The following GAS2L3 variants were observed in gnomAD, a reference collection of about 807,000 sequenced individuals.
GAS2L3 encodes growth arrest specific 2 like 3, also known as GAS2-like protein 3.
In GAS2L3, 28 loss-of-function variants were observed where a neutral mutation model predicts 37.0. The observed-to-expected ratio is 0.76, with a 90% CI of 0.56 to 1.04. The LOEUF (loss-of-function observed/expected upper bound fraction) is 1.04. Ranked by LOEUF, GAS2L3 falls within the 50% of genes least tolerant of loss-of-function variation. GAS2L3 has a pLI of 0.00. For synonymous variants in GAS2L3, 290 were observed against 296.6 expected, an observed-to-expected ratio of 0.98 and a Z score of 0.23; for missense variants, 793 against 817.6, an observed-to-expected ratio of 0.97 and a Z score of 0.37.
At chr12:100,621,774 G>A (rs565646998) in intron 8 of GAS2L3, among the ~76,000 whole-genome samples, 1 of 149,198 alleles carries the variant, frequency 6.7e-6, no homozygotes, top group East Asian at 2.0e-4. Context: ...ATAAATTCAA[G>A]CTTAATAACG....
rs575255812 is a variant in GAS2L3, at chr12:100,586,638, A to G, written c.-151-5098A>G. On this transcript the variant is annotated intron_variant, in intron 1 of 9. Coordinates refer to ENST00000547754, the MANE Select transcript of GAS2L3 (RefSeq NM_174942.3). Reference sequence around the variant, plus strand: ...TGTATATCAAAAAGACTGAAAGAGCACAAACTAATACTCTTAAGGTCACAC... The same window carrying G: ...TGTATATCAAAAAGACTGAAAGAGCGCAAACTAATACTCTTAAGGTCACAC... Among the ~76,000 whole-genome samples the G allele has an allele frequency of 2.0e-5, 3 of 152,330 alleles. No homozygotes were observed. The East Asian group carries it at 5.8e-4, about 29-fold the overall frequency.
Position 100,625,887 on chromosome 12 carries a change from TTTAA to T in GAS2L3, c.*1004_*1007del, listed in dbSNP as rs1956327302. 6.6e-6 allele frequency: 1 copy of T among 152,170 alleles called. No individual in the cohort carries two copies. Among genetic ancestry groups the T allele is most frequent in the Non-Finnish European group, 1.5e-5 (1 of 68,022 alleles). 9.4% of individuals were successfully genotyped at this position (152,170 alleles called of 1,614,324 possible). A position where few individuals can be genotyped will look rare whatever the true frequency, so the allele number is the denominator to read the frequency against. The stretch of plus-strand genomic sequence containing the variant: ...TTTCTCTAGATAGCACAATACCAAT[TTTAA>T]TTAATTTCTTCCAATTAGGTTACTT... On this transcript the variant is annotated 3_prime_UTR_variant, in exon 10 of 10. Transcript: ENST00000547754.
In GAS2L3 at chr12:100,623,710, A is replaced by G. The variant is rs550402512; in HGVS notation, c.905A>G (p.Glu302Gly). The change falls in exon 10 of 10, where the codon GAA (glutamate) becomes GGA (glycine). Residue 302 changes from glutamate (E) to glycine (G), a missense_variant. Coordinates refer to ENST00000547754, the MANE Select transcript of GAS2L3 (RefSeq NM_174942.3). ...GCATTTCAAAAAGGAGTTTCTAATG[A>G]AAGTGTACCTGATTCGCCTGCCAGA... ...ILAFQKGVSN[E>G]SVPDSPARTP... 6 of 1,614,062 alleles carry G rather than the reference A, an allele frequency of 3.7e-6. No homozygotes were observed. Among genetic ancestry groups the G allele is most frequent in the East Asian group, 2.2e-5 (1 of 44,878 alleles).
intron 6 of GAS2L3, among the ~76,000 whole-genome samples, chr12:100,616,434 T>C (rs1956188340): frequency 1.3e-5 from 2 of 152,132 alleles, no homozygotes; most frequent in Admixed American, 1.3e-4. Context: ...TTGTTTTTGT[T>C]TTTGTTGCTT....
Position 100,579,181 on chromosome 12 carries a change from G to A in GAS2L3, c.-152+5396G>A, listed in dbSNP as rs1177816276. 13 of 655,074 alleles carry A rather than the reference G, an allele frequency of 2.0e-5. No homozygotes were observed. The Admixed American group carries it at 2.9e-4, about 14-fold the overall frequency. 40.6% of individuals were successfully genotyped at this position (655,074 alleles called of 1,614,324 possible). On this transcript the variant is annotated intron_variant, in intron 1 of 9. Transcript: ENST00000547754. Reference sequence around the variant, plus strand: ...TTCTCTTCCATGCCAAGACAATGGGGCTTCAAACAGTCTTAACAGACCATC... The same window carrying A: ...TTCTCTTCCATGCCAAGACAATGGGACTTCAAACAGTCTTAACAGACCATC...
chr12:100,588,359 A>G (rs1442279384), intron 1 of GAS2L3, among the ~76,000 whole-genome samples: 1 of 152,220 alleles, frequency 6.6e-6, no homozygotes, highest in Non-Finnish European at 1.5e-5. Flanking sequence ...TGAGTCTCAG[A>G]CCAGCAAGTT....
chr12:100,609,579 T>C (rs1475981859), intron 5 of GAS2L3, among the ~76,000 whole-genome samples: 1 of 152,154 alleles, frequency 6.6e-6, no homozygotes, highest in Non-Finnish European at 1.5e-5. Flanking sequence ...TCCCCTCTGG[T>C]CCACTGGCTC....
intron 5 of GAS2L3, among the ~76,000 whole-genome samples, chr12:100,602,694 T>C (rs938010628): frequency 1.3e-5 from 2 of 152,110 alleles, no homozygotes; most frequent in African/African-American, 4.8e-5. Context: ...AAATTATTAT[T>C]GACTGTAGTC....
intron 6 of GAS2L3, among the ~76,000 whole-genome samples, chr12:100,615,085 C>G (rs569726345): frequency 1.4e-4 from 22 of 152,074 alleles, no homozygotes; most frequent in African/African-American, 4.8e-4. Context: ...TTTTGAGGAG[C>G]TGTTTTCAAA....
chr12:100,596,354 G>A (rs750798900), intron 3 of GAS2L3, among the ~76,000 whole-genome samples: 48 of 151,966 alleles, frequency 3.2e-4, no homozygotes, highest in Non-Finnish European at 3.8e-4. Flanking sequence ...CATTGCCCAT[G>A]TTTTTTCTTA....
chr12:100,580,627 T>C (rs1160244794), intron 1 of GAS2L3, among the ~76,000 whole-genome samples: 1 of 152,246 alleles, frequency 6.6e-6, no homozygotes, highest in Non-Finnish European at 1.5e-5. Flanking sequence ...AACAACTATA[T>C]GAACTATTTT....
chr12:100,589,476 A>G (rs1017688559), intron 1 of GAS2L3, among the ~76,000 whole-genome samples: 3 of 152,224 alleles, frequency 2.0e-5, no homozygotes, highest in African/African-American at 7.2e-5. Flanking sequence ...TAGAGTCAAT[A>G]TTGTGAAAAT....
intron 1 of GAS2L3, among the ~76,000 whole-genome samples, chr12:100,585,054 AT>A (rs34714372): frequency 0.38 from 45,395 of 118,496 alleles, 9,155 homozygotes; most frequent in African/African-American, 0.59. Flanking sequence ...ACACCTGGCT[AT>A]TTTTTTTTTT....
chr12:100,575,034 A>T (rs35717), intron 1 of GAS2L3, among the ~76,000 whole-genome samples: 39,127 of 151,814 alleles, frequency 0.26, 5,492 homozygotes, highest in African/African-American at 0.36. Context: ...CTGAAATCAG[A>T]CTTCATTGGA....
At chr12:100,575,818 A>C (rs1335876919) in intron 1 of GAS2L3, among the ~76,000 whole-genome samples, 1 of 151,980 alleles carries the variant, frequency 6.6e-6, no homozygotes, top group African/African-American at 2.4e-5. Flanking sequence ...AAGCTCAAAG[A>C]AGGGAAATCA....
intron 5 of GAS2L3, among the ~76,000 whole-genome samples, chr12:100,608,521 A>G (rs941249718): frequency 6.6e-6 from 1 of 151,926 alleles, no homozygotes; most frequent in East Asian, 1.9e-4. Context: ...TAGGAGTGAG[A>G]TTGAAGTCTT....
Position 100,618,521 on chromosome 12 carries a change from T to C in GAS2L3, c.582T>C (p.Thr194=). 2 of 1,613,208 alleles carry C rather than the reference T, an allele frequency of 1.2e-6. No homozygotes were observed. Among genetic ancestry groups the C allele is most frequent in the Non-Finnish European group, 1.7e-6 (2 of 1,179,552 alleles). ...AGTTAGAAGAGACTTTGCTTAATAC[T>C]TCTGGGCCTGAAGATTCCATCAGCA... The part of the protein sequence containing the change: ...EIELEETLLN[T]SGPEDSISIP... Residue 194 remains threonine (T), a synonymous_variant, in exon 8 of 10, where the codon ACT becomes ACC. Coordinates refer to ENST00000547754, the MANE Select transcript of GAS2L3 (RefSeq NM_174942.3).
intron 1 of GAS2L3, chr12:100,578,885 G>C (rs958062573): frequency 2.5e-6 from 2 of 793,256 alleles, no homozygotes; most frequent in Non-Finnish European, 4.5e-6. Context: ...AAATATGGGA[G>C]GTGTGGAAAG....
Position 100,608,789 on chromosome 12 carries a change from G to A in GAS2L3, c.304-3211G>A, listed in dbSNP as rs577835594. 3.3e-5 allele frequency among the ~76,000 whole-genome samples: 5 copies of A among 152,276 alleles called. No homozygotes were observed. The South Asian group carries it at 1.0e-3, about 32-fold the overall frequency. ...GCCTCCCAAAGTTCTGGGATTACAG[G>A]ATTGAGCTGCTACACCCGGCCTGAA... is the stretch of plus-strand genomic sequence containing the variant. On this transcript the variant is annotated intron_variant, in intron 5 of 9. Transcript: ENST00000547754.
Sources: gnomAD v4.1 joint callset for allele counts (sites outside exome capture counted in the v4.1 genomes callset) on GRCh38, gnomAD v4.1.1 for gene constraint, MANE v1.5 for transcripts, NCBI Gene and HGNC (gene_info 2026-07-23, HGNC 2026-07-21) for gene names.